The following ABCA1 variants were observed in gnomAD, a reference collection of about 807,000 sequenced individuals.
The protein encoded by ABCA1 is ATP binding cassette subfamily A member 1.
Under a neutral mutation model 262.5 loss-of-function variants are expected in ABCA1, and 133 were observed. The observed-to-expected ratio is 0.51, with a 90% CI of 0.44 to 0.59. The LOEUF is 0.59. ABCA1 is among the 20% of genes least tolerant of loss of function. ABCA1 has a pLI of 0.00. For synonymous variants in ABCA1, 1,022 were observed against 1,043.5 expected, an observed-to-expected ratio of 0.98 and a Z score of 0.40; for missense variants, 2,452 against 2,777.5, an observed-to-expected ratio of 0.88 and a Z score of 2.63.
At chr9:104,852,141 C>A (rs934443913) in intron 7 of ABCA1, among the ~76,000 whole-genome samples, 2 of 152,108 alleles carry the variant, frequency 1.3e-5, no homozygotes, top group African/African-American at 4.8e-5. Flanking sequence ...ATAAAGTAGA[C>A]AAAAATCTCT....
chr9:104,860,874 A>G (rs1646523064), intron 6 of ABCA1, among the ~76,000 whole-genome samples: 1 of 148,064 alleles, frequency 6.8e-6, no homozygotes, highest in South Asian at 2.1e-4. Context: ...CTCCTGTCTC[A>G]GCCTCACGAG....
chr9:104,917,624 T>G (rs1422508978), intron 1 of ABCA1, among the ~76,000 whole-genome samples: 1 of 151,962 alleles, frequency 6.6e-6, no homozygotes. Flanking sequence ...TGTGGTGGCA[T>G]GCACCTGTAA....
chr9:104,804,744 A>G, intron 31 of ABCA1, 24 bp from the exon 32 acceptor site: 1 of 1,578,674 alleles, frequency 6.3e-7, no homozygotes, highest in Non-Finnish European at 8.7e-7. Flanking sequence ...AAAACCAAGC[A>G]TACGGGTCTT....
intron 7 of ABCA1, among the ~76,000 whole-genome samples, chr9:104,856,817 GC>G (rs1835878921): frequency 6.6e-6 from 1 of 152,152 alleles, no homozygotes; most frequent in South Asian, 2.1e-4. Flanking sequence ...CAGTGAAGCA[GC>G]CCAAAACAGT....
chr9:104,831,149 T>TAAAAAAAAA, intron 13 of ABCA1, 48 bp from the exon 14 acceptor site: 6 of 924,042 alleles, frequency 6.5e-6, no homozygotes, highest in East Asian at 3.9e-5. Flanking sequence ...AACCATACAA[T>TAAAAAAAAA]AAAAAAAAAA....
At chr9:104,900,337 C>G (rs1840563700) in intron 2 of ABCA1, among the ~76,000 whole-genome samples, 1 of 152,194 alleles carries the variant, frequency 6.6e-6, no homozygotes, top group African/African-American at 2.4e-5. Context: ...CTAAGCATGT[C>G]CCAAGGGCCA....
In ABCA1 at chr9:104,787,577, T is replaced by C. The variant is rs185658342; in HGVS notation, c.6204+343A>G. On this transcript the variant is annotated intron_variant, in intron 46 of 49. Transcript: ENST00000374736. ...AAGGAACTATGACCTAGTTGCTACC[T>C]TGGGGATTTTAAAGCTGTGTCCACA... is the stretch of plus-strand genomic sequence containing the variant. 2.0e-3 allele frequency among the ~76,000 whole-genome samples: 312 copies of C among 152,330 alleles called. 6 individuals are homozygous for C. Among genetic ancestry groups the C allele is most frequent in the Non-Finnish European group, 8.1e-4 (55 of 68,026 alleles).
intron 31 of ABCA1, among the ~76,000 whole-genome samples, chr9:104,805,143 TG>T (rs1472115985): frequency 6.6e-6 from 1 of 152,188 alleles, no homozygotes; most frequent in Non-Finnish European, 1.5e-5. Flanking sequence ...GGCGCAATTT[TG>T]GCTCCCTGCG....
rs1459424237 is a variant in ABCA1 at position 104,784,426 on chromosome 9, A to G, written c.6675T>C (p.Ser2225=). 1 of 1,614,132 alleles carries G rather than the reference A, an allele frequency of 6.2e-7. No homozygotes were observed. Among genetic ancestry groups the G allele is most frequent in the East Asian group, 2.2e-5 (1 of 44,864 alleles). ...AGAGGTCTTTTAAGTGGTCATCATC[A>G]CTTTGGTCCTTGGCAAAGTTCACAA... is the stretch of plus-strand genomic sequence containing the variant. ...QVFVNFAKDQ[S]DDDHLKDLSL... is the part of the protein sequence containing the mutation. The change falls in exon 50 of 50, where the codon AGT becomes AGC. Residue 2225 remains serine, a synonymous_variant. Transcript: ENST00000374736.
intron 7 of ABCA1, among the ~76,000 whole-genome samples, chr9:104,850,209 C>A (rs911168649): frequency 1.3e-5 from 2 of 152,164 alleles, no homozygotes; most frequent in African/African-American, 4.8e-5. Flanking sequence ...GCAACCTCCC[C>A]CTCCTGGGTT....
Position 104,783,021 on chromosome 9 carries a change from C to A in ABCA1, c.*1294G>T, listed in dbSNP as rs1407775873. 1 of 152,516 alleles carries A rather than the reference C, an allele frequency of 6.6e-6. No homozygotes were observed. The highest frequency in any genetic ancestry group is 1.5e-5 in the Non-Finnish European group (1 of 68,002). The allele number at this position is 152,516 out of a possible 1,614,324, so 9.4% of individuals were successfully genotyped here. A position where few individuals can be genotyped will look rare whatever the true frequency, so the allele number is the denominator to read the frequency against. On this transcript the variant is annotated 3_prime_UTR_variant, in exon 50 of 50. Transcript: ENST00000374736. ...CATACTCTTTCAGCTACAGCATACA[C>A]TCAAAAAATATTTGATTGATGAAGT...
rs1245378194 is a variant in ABCA1, at chr9:104,798,584, A to G, written c.4958T>C (p.Val1653Ala). The G allele has an allele frequency of 6.2e-7, 1 of 1,614,172 alleles. No individual in the cohort carries two copies. Among genetic ancestry groups the G allele is most frequent in the Non-Finnish European group, 8.5e-7 (1 of 1,180,002 alleles). The change falls in exon 37 of 50, where the codon GTG (valine) becomes GCG (alanine). Residue 1653 changes from valine to alanine, a missense_variant. Physicochemically the swap from Val to Ala is moderately conservative, Grantham distance 64. Coordinates refer to ENST00000374736, the MANE Select transcript of ABCA1 (RefSeq NM_005502.4). Reference sequence around the variant, plus strand: ...GACACAGATGGACACAAGGACATCCACTGATGTGGTCATCCTGGAGAGAAA... The same window carrying G: ...GACACAGATGGACACAAGGACATCCGCTGATGTGGTCATCCTGGAGAGAAA... Reference protein sequence around the residue: ...LSEVALMTTSVDVLVSICVIF... With the variant: ...LSEVALMTTSADVLVSICVIF...
chr9:104,926,146 A>G (rs1826305339), intron 1 of ABCA1, among the ~76,000 whole-genome samples: 1 of 152,180 alleles, frequency 6.6e-6, no homozygotes. Flanking sequence ...CAGTACCCAG[A>G]AGGTTTTTTT....
At chr9:104,906,484 A>T (rs955353168) in intron 1 of ABCA1, among the ~76,000 whole-genome samples, 3 of 152,130 alleles carry the variant, frequency 2.0e-5, no homozygotes, top group African/African-American at 7.2e-5. Flanking sequence ...AAGAAGTAGC[A>T]TAGAGCCACA....
intron 31 of ABCA1, among the ~76,000 whole-genome samples, chr9:104,805,905 G>A (rs1830719684): frequency 6.6e-6 from 1 of 152,184 alleles, no homozygotes; most frequent in South Asian, 2.1e-4. Context: ...AGGAATTCCA[G>A]ACCAGCCTAG....
intron 1 of ABCA1, among the ~76,000 whole-genome samples, chr9:104,919,108 T>C (rs1841995390): frequency 6.6e-6 from 1 of 152,168 alleles, no homozygotes; most frequent in Non-Finnish European, 1.5e-5. Flanking sequence ...AAACAACAAA[T>C]TTGGTACAGT....
chr9:104,801,952 G>A, intron 34 of ABCA1, 102 bp downstream of exon 34: 3 of 1,086,858 alleles, frequency 2.8e-6, no homozygotes, highest in Non-Finnish European at 4.2e-6. Context: ...AACATATTCA[G>A]AACAATGAGC....
chr9:104,828,925 G>A lies in ABCA1; in HGVS notation c.2106C>T (p.Val702=). The A allele has an allele frequency of 6.2e-7, 1 of 1,614,058 alleles. No homozygotes were observed. The highest frequency in any genetic ancestry group is 8.5e-7 in the Non-Finnish European group (1 of 1,180,000). The change falls in exon 15 of 50, where the codon GTC becomes GTT. Residue 702 remains valine (V), a synonymous_variant. Coordinates refer to ENST00000374736, the MANE Select transcript of ABCA1 (RefSeq NM_005502.4). The stretch of plus-strand genomic sequence containing the variant: ...AGTGAGGCTGCCTTACCTTCAGGAT[G>A]ACCACTAGCAGGCCAGCGCTCACAA... ...PLLVSAGLLV[V]ILKLGNLLPY...
chr9:104,853,054 TGTA>T (rs2119077423), intron 7 of ABCA1, among the ~76,000 whole-genome samples: 1 of 152,326 alleles, frequency 6.6e-6, no homozygotes, highest in South Asian at 2.1e-4. Context: ...TTCTTCGATC[TGTA>T]CACAGCTCAG....
Sources: gnomAD v4.1 joint callset for allele counts (sites outside exome capture counted in the v4.1 genomes callset) on GRCh38, gnomAD v4.1.1 for gene constraint, MANE v1.5 for transcripts, NCBI Gene and HGNC (gene_info 2026-07-23, HGNC 2026-07-21) for gene names.